Variants in TPRKB observed in about 807,000 individuals in gnomAD.
TPRKB encodes EKC/KEOPS complex subunit TPRKB.
TPRKB carries 11 observed loss-of-function variants against 17.8 expected under a neutral mutation model. The observed-to-expected ratio is 0.62, with a 90% CI of 0.39 to 1.02. The LOEUF (loss-of-function observed/expected upper bound fraction) is 1.02, where lower values mean the gene tolerates loss of function less well. Among genes scored for constraint, TPRKB ranks in the 50% least tolerant of loss-of-function variants. The pLI, the probability that TPRKB is intolerant of heterozygous loss-of-function variation, is 0.00. For synonymous variants in TPRKB, 71 were observed against 69.5 expected, an observed-to-expected ratio of 1.02 and a Z score of -0.11; for missense variants, 228 against 198.0, an observed-to-expected ratio of 1.15 and a Z score of -0.91.
intron 1 of TPRKB, among the ~76,000 whole-genome samples, 172 bp downstream of exon 1, chr2:73,737,130 C>G (rs559422567): frequency 1.3e-5 from 2 of 152,332 alleles, no homozygotes; most frequent in South Asian, 4.1e-4. Flanking sequence ...CCTCACTAAA[C>G]TATTTCTTGA....
At chr2:73,734,379 G>A (rs766076188) in intron 2 of TPRKB, 50 bp downstream of exon 2, 16 of 1,569,302 alleles carry the variant, frequency 1.0e-5, no homozygotes, top group East Asian at 2.3e-5. Context: ...CATTACAGGC[G>A]TGAGCCACCG....
chr2:73,733,338 A>G (rs1032757933), intron 2 of TPRKB, among the ~76,000 whole-genome samples: 4 of 142,330 alleles, frequency 2.8e-5, no homozygotes, highest in Non-Finnish European at 4.5e-5. Context: ...AATTCACTGT[A>G]ACCTCCGCCT....
chr2:73,733,243 CCT>C (rs1671710324), intron 2 of TPRKB, among the ~76,000 whole-genome samples: 2 of 113,986 alleles, frequency 1.8e-5, no homozygotes, highest in East Asian at 2.8e-4. Context: ...CTGCGTGTGC[CCT>C]GTTTTTTTGT....
At chr2:73,734,874 G>T (rs770423967) in intron 1 of TPRKB, among the ~76,000 whole-genome samples, 1 of 152,220 alleles carries the variant, frequency 6.6e-6, no homozygotes, top group South Asian at 2.1e-4. Context: ...TTCCCCAGCA[G>T]ACAAGTAGGA....
rs534677596 is a variant in TPRKB, at chr2:73,735,811, T to C, written c.-22-1220A>G. 2.0e-5 allele frequency among the ~76,000 whole-genome samples: 3 copies of C among 152,336 alleles called. No homozygotes were observed. The East Asian group carries it at 5.8e-4, about 29-fold the overall frequency. On this transcript the variant is annotated intron_variant, in intron 1 of 4. Coordinates refer to ENST00000272424, the MANE Select transcript of TPRKB (RefSeq NM_016058.5). ...TCATTTTATCCTTTTACCTGGCAGA[T>C]TATATTTCTAGAACTCTTTCTGATG...
At chr2:73,731,965 T>C (rs1278958044) in intron 3 of TPRKB, 198 bp downstream of exon 3, 2 of 487,838 alleles carry the variant, frequency 4.1e-6, no homozygotes, top group Non-Finnish European at 7.0e-6. Flanking sequence ...TTAATTTAGC[T>C]AAATTTTTGT....
At chr2:73,734,642 G>C (rs543798465) in intron 1 of TPRKB, 51 bp from the exon 2 acceptor site, 2 of 1,424,116 alleles carry the variant, frequency 1.4e-6, no homozygotes, top group East Asian at 4.7e-5. Context: ...GTTAACATCA[G>C]AACTCATTTC....
chr2:73,734,484 A>T lies in TPRKB; in HGVS notation c.86T>A (p.Leu29Ter). Reference sequence around the variant, plus strand: ...GGTGCCTTCCATGGCCTTTCTTCTCAAGTCTCCCGCATTTTTTACATCTTT... The same window carrying T: ...GGTGCCTTCCATGGCCTTTCTTCTCTAGTCTCCCGCATTTTTTACATCTTT... ...LFKDVKNAGD[L>*]RRKAMEGTID... Residue 29 changes from leucine (L) to a stop codon, truncating the protein, a stop_gained, in exon 2 of 5, where the codon TTG becomes TAG. Coordinates refer to ENST00000272424, the MANE Select transcript of TPRKB (RefSeq NM_016058.5). LOFTEE classifies it high-confidence loss of function. 1 of 1,614,110 alleles carries T rather than the reference A, an allele frequency of 6.2e-7. No individual in the cohort carries two copies. Among genetic ancestry groups the T allele is most frequent in the Non-Finnish European group, 8.5e-7 (1 of 1,180,004 alleles).
chr2:73,732,237 G>A lies in TPRKB; in HGVS notation c.190C>T (p.Leu64Phe). The change falls in exon 3 of 5, where the codon CTC becomes TTC. Residue 64 changes from leucine (L) to phenylalanine (F), a missense_variant. By Grantham distance (22) the Leu-to-Phe change is conservative (BLOSUM62 0). Transcript: ENST00000272424. ...GTCTTCATTTTTCCCAGTTTGTAGA[G>A]GTGAACTGCTTTGTTTGCTGCCACA... is the stretch of plus-strand genomic sequence containing the variant. ...ILVAANKAVH[L>F]YKLGKMKTRT... 6.2e-7 allele frequency: 1 copy of A among 1,613,940 alleles called. No individual in the cohort carries two copies. The highest frequency in any genetic ancestry group is 1.1e-5 in the South Asian group (1 of 91,044).
intron 1 of TPRKB, among the ~76,000 whole-genome samples, chr2:73,735,113 G>A (rs775334783): frequency 1.3e-5 from 2 of 152,202 alleles, no homozygotes; most frequent in Non-Finnish European, 2.9e-5. Context: ...CAGATCACCT[G>A]AGGTTGGGAG....
rs1671733887 is a variant in TPRKB at position 73,733,557 on chromosome 2, AC to A, written c.141+871del. 2.0e-5 allele frequency among the ~76,000 whole-genome samples: 3 copies of A among 151,848 alleles called. No homozygotes were observed. The South Asian group carries it at 6.2e-4, about 32-fold the overall frequency. On this transcript the variant is annotated intron_variant, in intron 2 of 4. Transcript: ENST00000272424. ...CCACTACACTATTCCTCCTCTACAG[AC>A]TGTCTTGTTAGGAACCCCCATTTTA...
At chr2:73,732,564 T>A in intron 2 of TPRKB, 1 of 324,816 alleles carries the variant, frequency 3.1e-6, no homozygotes. Context: ...CAAAAATTAG[T>A]CAGGCGTGGT....
At chr2:73,733,245 TG>T (rs1671711467) in intron 2 of TPRKB, among the ~76,000 whole-genome samples, 1 of 112,650 alleles carries the variant, frequency 8.9e-6, no homozygotes, top group South Asian at 3.3e-4. Context: ...GCGTGTGCCC[TG>T]TTTTTTTGTT....
chr2:73,729,882 CAGGAA>C lies in TPRKB; in HGVS notation c.*56_*60del, dbSNP rs1671507989. On this transcript the variant is annotated 3_prime_UTR_variant, in exon 5 of 5. Coordinates refer to ENST00000272424, the MANE Select transcript of TPRKB (RefSeq NM_016058.5). ...TATAATGCACAATTAGTTTTATAGTCAGGAAAGGAAAATCAATGTTTTCTTTAATG... is the reference window on the plus strand; with the variant it reads ...TATAATGCACAATTAGTTTTATAGTCAGGAAAATCAATGTTTTCTTTAATG... 7.3e-7 allele frequency: 1 copy of C among 1,375,508 alleles called. No individual in the cohort carries two copies. The highest frequency in any genetic ancestry group is 1.5e-5 in the South Asian group (1 of 65,754). The allele number at this position is 1,375,508 out of a possible 1,614,324, so 85.2% of individuals were successfully genotyped here.
intron 4 of TPRKB, chr2:73,730,307 T>C (rs907715093): frequency 2.8e-5 from 12 of 432,304 alleles, no homozygotes; most frequent in South Asian, 1.2e-4. Context: ...AAATATACTA[T>C]GTAAGTTTGA....
chr2:73,733,539 A>G (rs1342738375), intron 2 of TPRKB, among the ~76,000 whole-genome samples: 1 of 151,878 alleles, frequency 6.6e-6, no homozygotes, highest in Non-Finnish European at 1.5e-5. Context: ...TAACCACTAC[A>G]CTATTCCTCC....
rs574502291 is a variant in TPRKB, at chr2:73,731,931, A to C, written c.264+232T>G. On this transcript the variant is annotated intron_variant, in intron 3 of 4. Coordinates refer to ENST00000272424, the MANE Select transcript of TPRKB (RefSeq NM_016058.5). ...AGGGGTCTTCCTGACCCTATATGGT[A>C]AGAACAGATAAAATTAACCTCGCTT... 9 of 401,688 alleles carry C rather than the reference A, an allele frequency of 2.2e-5. No individual in the cohort carries two copies. The South Asian group carries it at 4.5e-4, about 20-fold the overall frequency. The allele number at this position is 401,688 out of a possible 1,614,324, so 24.9% of individuals were successfully genotyped here.
chr2:73,732,862 A>G (rs976308382), intron 2 of TPRKB, among the ~76,000 whole-genome samples: 5 of 152,216 alleles, frequency 3.3e-5, no homozygotes, highest in African/African-American at 1.2e-4. Context: ...TCATATTGCA[A>G]ACATTTTACT....
intron 2 of TPRKB, 47 bp from the exon 3 acceptor site, chr2:73,732,332 G>C: frequency 6.3e-7 from 1 of 1,590,364 alleles, no homozygotes; most frequent in Non-Finnish European, 8.6e-7. Context: ...AGAATCTGCA[G>C]TGCCTGAAAA....
Sources: allele counts gnomAD v4.1 joint callset (sites outside exome capture counted in the v4.1 genomes callset), GRCh38; gene constraint gnomAD v4.1.1; transcripts MANE v1.5; gene names NCBI Gene and HGNC (gene_info 2026-07-23, HGNC 2026-07-21).